BICD1: variants seen among roughly 807,000 people sequenced by gnomAD.
BICD1 encodes BICD cargo adaptor 1.
Under a neutral mutation model 92.5 loss-of-function variants are expected in BICD1, and 35 were observed. The ratio of observed to expected loss-of-function variants is 0.38; its 90% CI spans 0.29 to 0.50. The LOEUF (loss-of-function observed/expected upper bound fraction) is 0.50. Ranked by LOEUF, BICD1 falls within the 20% of genes least tolerant of loss-of-function variation. The probability of loss-of-function intolerance (pLI) is 0.93; values close to 1 mark genes in which losing one functional copy is unlikely to be tolerated. For missense variants in BICD1, 950 were observed against 1,189.8 expected (o/e 0.80, Z 2.97); for synonymous variants, 429 against 465.1 (o/e 0.92, Z 1.00).
chr12:32,267,753 G>A (rs932575736), intron 2 of BICD1, among the ~76,000 whole-genome samples: 1 of 152,128 alleles, frequency 6.6e-6, no homozygotes, highest in Non-Finnish European at 1.5e-5. Context: ...TTTATTACCA[G>A]TGAATCTGTT....
intron 1 of BICD1, among the ~76,000 whole-genome samples, chr12:32,132,278 T>C (rs1942572006): frequency 6.6e-6 from 1 of 151,940 alleles, no homozygotes; most frequent in Admixed American, 6.6e-5. Flanking sequence ...TAGCTGGGTG[T>C]GGTGGCAGGC....
At chr12:32,339,293 A>G (rs1350822281) in intron 8 of BICD1, 2 of 1,047,610 alleles carry the variant, frequency 1.9e-6, no homozygotes, top group Non-Finnish European at 2.3e-6. Context: ...TTGGTAGCTC[A>G]TGGCGATTCC....
chr12:32,248,395 G>T (rs1022562472), intron 2 of BICD1, among the ~76,000 whole-genome samples: 1 of 152,078 alleles, frequency 6.6e-6, no homozygotes, highest in Non-Finnish European at 1.5e-5. Context: ...GAGGGATGGG[G>T]TACCATTATT....
chr12:32,166,466 G>C (rs2121513132), intron 1 of BICD1, among the ~76,000 whole-genome samples: 1 of 152,198 alleles, frequency 6.6e-6, no homozygotes, highest in East Asian at 1.9e-4. Context: ...GTCACAACTG[G>C]GGGGATGCTT....
At chr12:32,225,808 G>A (rs12422893) in intron 2 of BICD1, among the ~76,000 whole-genome samples, 1,739 of 151,766 alleles carry the variant, frequency 0.011, 108 homozygotes, top group Admixed American at 0.1. Context: ...TTTTAGTAGA[G>A]ACGAGGTTTC....
intron 2 of BICD1, among the ~76,000 whole-genome samples, chr12:32,222,196 T>C (rs78596904): frequency 0.015 from 2,313 of 152,306 alleles, 67 homozygotes; most frequent in African/African-American, 0.053. Flanking sequence ...TTGGTATATA[T>C]GGGATAAAAA....
chr12:32,355,928 T>C (rs907673378), intron 8 of BICD1, among the ~76,000 whole-genome samples: 30 of 152,206 alleles, frequency 2.0e-4, no homozygotes, highest in African/African-American at 6.3e-4. Flanking sequence ...CATAGTCTGA[T>C]AGACAAGAGC....
chr12:32,162,641 T>A (rs1407161746), intron 1 of BICD1, among the ~76,000 whole-genome samples: 1 of 152,220 alleles, frequency 6.6e-6, no homozygotes. Context: ...ATCCTTATTC[T>A]TCAAATTTTT....
chr12:32,164,125 G>A (rs1943682074), intron 1 of BICD1, among the ~76,000 whole-genome samples: 1 of 152,064 alleles, frequency 6.6e-6, no homozygotes, highest in Admixed American at 6.5e-5. Flanking sequence ...GTGGCATATG[G>A]CGAATGTCAC....
At chr12:32,367,529 A>G (rs1240267711) in intron 8 of BICD1, 141 bp from the exon 9 acceptor site, 8 of 712,960 alleles carry the variant, frequency 1.1e-5, no homozygotes, top group Admixed American at 5.9e-5. Flanking sequence ...TCAAGAAGAA[A>G]AAAAAAAAGC....
chr12:32,213,261 G>T (rs1027843598), intron 1 of BICD1, among the ~76,000 whole-genome samples: 1 of 152,126 alleles, frequency 6.6e-6, no homozygotes, highest in Admixed American at 6.5e-5. Context: ...GAAGAGTCCC[G>T]ACCAGTGATT....
At chr12:32,299,016 A>G (rs1305351545) in intron 3 of BICD1, among the ~76,000 whole-genome samples, 1 of 152,140 alleles carries the variant, frequency 6.6e-6, no homozygotes, top group Non-Finnish European at 1.5e-5. Context: ...AGATACAGTC[A>G]CTGGCTCAAA....
At position 32,338,958 on chromosome 12, in the gene BICD1, A is replaced by C. The variant is rs532212955; in HGVS notation, c.2743A>C (p.Arg915=). The part of the protein sequence containing the change: ...IQGHRLSKEK[R]LTVAPPDCQQ... Reference sequence around the variant, plus strand: ...AGGGCACCGGCTCAGCAAGGAAAAAAGGTTAACCGTGGCTCCACCAGGTAA... The same window carrying C: ...AGGGCACCGGCTCAGCAAGGAAAAACGGTTAACCGTGGCTCCACCAGGTAA... Residue 915 remains arginine (R), a synonymous_variant, in exon 8 of 10, where the codon AGG becomes CGG. Transcript: ENST00000652176. 1.3e-6 allele frequency: 2 copies of C among 1,599,526 alleles called. No homozygotes were observed. Among genetic ancestry groups the C allele is most frequent in the Non-Finnish European group, 1.7e-6 (2 of 1,175,014 alleles).
intron 1 of BICD1, among the ~76,000 whole-genome samples, chr12:32,187,539 G>A (rs931432900): frequency 2.6e-5 from 4 of 152,112 alleles, no homozygotes; most frequent in Non-Finnish European, 4.4e-5. Context: ...GGGCGTGGTG[G>A]CGCGCTCCTA....
In BICD1 at chr12:32,290,286, C is replaced by T. The variant is rs186694672; in HGVS notation, c.427-3708C>T. ...TTACATTAAATTGATGAAATCTGCA[C>T]GTCTCTGGGGAACTCCTTACAAGCT... is the stretch of plus-strand genomic sequence containing the variant. On this transcript the variant is annotated intron_variant, in intron 2 of 9. Transcript: ENST00000652176. Among the ~76,000 whole-genome samples the T allele has an allele frequency of 7.9e-5, 12 of 152,272 alleles. No individual in the cohort carries two copies. The East Asian group carries it at 1.9e-3, about 24-fold the overall frequency.
chr12:32,275,576 TATTAA>T (rs1947251586), intron 2 of BICD1, among the ~76,000 whole-genome samples: 1 of 152,176 alleles, frequency 6.6e-6, no homozygotes, highest in African/African-American at 2.4e-5. Context: ...GTTTTCACTC[TATTAA>T]ATCTTGCTAC....
rs528679232 is a variant in BICD1, at chr12:32,375,990, T to C, written c.2841-1550T>C. On this transcript the variant is annotated intron_variant, in intron 9 of 9. Coordinates refer to ENST00000652176, the MANE Select transcript of BICD1 (RefSeq NM_001714.4). ...GAAATGAATTATATAGTACTGACTT[T>C]CATAGTTTAAGGGAATATAACAGAG... Among the ~76,000 whole-genome samples, 43 of 152,274 alleles carry C rather than the reference T, an allele frequency of 2.8e-4. No homozygotes were observed. The South Asian group carries it at 5.4e-3, about 19-fold the overall frequency.
intron 2 of BICD1, among the ~76,000 whole-genome samples, chr12:32,245,279 C>A (rs1946348486): frequency 1.3e-5 from 2 of 149,560 alleles, no homozygotes; most frequent in African/African-American, 4.9e-5. Flanking sequence ...CGGAGTCTCG[C>A]TCTGTCCCCC....
chr12:32,258,504 T>C (rs552692403), intron 2 of BICD1, among the ~76,000 whole-genome samples: 1 of 151,914 alleles, frequency 6.6e-6, no homozygotes, highest in African/African-American at 2.4e-5. Flanking sequence ...GACAAAGAGA[T>C]AAAGAGAAGA....
Sources: gnomAD v4.1 joint callset for allele counts (sites outside exome capture counted in the v4.1 genomes callset) on GRCh38, gnomAD v4.1.1 for gene constraint, MANE v1.5 for transcripts, NCBI Gene and HGNC (gene_info 2026-07-23, HGNC 2026-07-21) for gene names.